Variants in SIN3B observed in about 807,000 individuals in gnomAD.
SIN3B encodes paired amphipathic helix protein Sin3b.
In SIN3B, 19 loss-of-function variants were observed where a neutral mutation model predicts 120.2. The observed-to-expected ratio is 0.16, with a 90% confidence interval of 0.11 to 0.23. The LOEUF is 0.23. Among genes scored for constraint, SIN3B ranks in the 10% least tolerant of loss-of-function variants. The pLI is 1.00. For missense variants in SIN3B, 1,073 were observed against 1,573.0 expected (o/e 0.68, Z 5.38); for synonymous variants, 654 against 653.2 (o/e 1.00, Z -0.02).
chr19:16,835,870 G>A (rs964265912), intron 3 of SIN3B, among the ~76,000 whole-genome samples: 5 of 152,128 alleles, frequency 3.3e-5, no homozygotes, highest in African/African-American at 1.2e-4. Context: ...GTCCAGGCTG[G>A]ACTCAAGTGA....
intron 16 of SIN3B, chr19:16,877,272 C>G (rs113495758): frequency 4.2e-6 from 2 of 472,470 alleles, no homozygotes; most frequent in Admixed American, 7.3e-5. Context: ...GGCTCTGGGG[C>G]GGATCCTTCC....
intron 3 of SIN3B, among the ~76,000 whole-genome samples, chr19:16,841,235 C>T (rs1971413119): frequency 1.3e-5 from 2 of 152,110 alleles, no homozygotes; most frequent in South Asian, 4.2e-4. Context: ...CACCTTATTG[C>T]GATTGGCCTG....
At chr19:16,856,203 T>G (rs1387079827) in intron 8 of SIN3B, among the ~76,000 whole-genome samples, 1 of 152,162 alleles carries the variant, frequency 6.6e-6, no homozygotes, top group Non-Finnish European at 1.5e-5. Context: ...TGGAAACAAC[T>G]GCGCACACTC....
intron 4 of SIN3B, among the ~76,000 whole-genome samples, chr19:16,846,696 A>G (rs889667070): frequency 4.6e-5 from 7 of 151,148 alleles, no homozygotes; most frequent in Non-Finnish European, 8.8e-5. Flanking sequence ...TCCCCGGCCC[A>G]CCCCTGATTA....
chr19:16,878,436 C>T, intron 18 of SIN3B, 46 bp downstream of exon 18: 1 of 1,587,096 alleles, frequency 6.3e-7, no homozygotes, highest in Non-Finnish European at 8.6e-7. Context: ...CTCCTCACCC[C>T]AAGTCCTGGG....
At chr19:16,843,406 C>T (rs550280298) in intron 4 of SIN3B, among the ~76,000 whole-genome samples, 10 of 152,324 alleles carry the variant, frequency 6.6e-5, no homozygotes, top group South Asian at 2.1e-4. Context: ...TGTTGTCCAC[C>T]GTGCTGGCAT....
At chr19:16,865,389 G>A (rs186115733) in intron 10 of SIN3B, 21 bp from the exon 11 acceptor site, 267 of 1,521,546 alleles carry the variant, frequency 1.8e-4, no homozygotes, top group Admixed American at 1.2e-3. Context: ...GGCTGACCCC[G>A]TCCTGCCTTC....
chr19:16,840,032 A>G (rs1457049358), intron 3 of SIN3B, among the ~76,000 whole-genome samples: 2 of 152,124 alleles, frequency 1.3e-5, no homozygotes, highest in Non-Finnish European at 2.9e-5. Context: ...CCCGCCACCA[A>G]GGAGAAATTG....
In SIN3B at chr19:16,865,578, G is replaced by A. The variant is rs1659991995; in HGVS notation, c.1552G>A (p.Asp518Asn). The change falls in exon 11 of 19, where the codon GAC becomes AAC. Residue 518 changes from aspartate to asparagine, a missense_variant. Physicochemically the swap from Asp to Asn is conservative, Grantham distance 23 (BLOSUM62 1). Transcript: ENST00000248054. ...QRRAIYRIYGDKAPEIIESLK... is the reference protein window; with the variant it reads ...QRRAIYRIYGNKAPEIIESLK... ...CCGTGCCATTTATCGCATCTATGGC[G>A]ACAAGGCCCCGGAGATCATCGAGAG... 2 of 1,613,310 alleles carry A rather than the reference G, an allele frequency of 1.2e-6. No individual in the cohort carries two copies. The highest frequency in any genetic ancestry group is 1.7e-6 in the Non-Finnish European group (2 of 1,179,592).
At chr19:16,857,857 T>TTTCTC (rs1250780121) in intron 8 of SIN3B, among the ~76,000 whole-genome samples, 1 of 151,894 alleles carries the variant, frequency 6.6e-6, no homozygotes, top group Non-Finnish European at 1.5e-5. Context: ...CTTTGCTTCT[T>TTTCTC]TTCTCTTCTC....
At chr19:16,838,578 G>A (rs573737738) in intron 3 of SIN3B, among the ~76,000 whole-genome samples, 23 of 152,282 alleles carry the variant, frequency 1.5e-4, no homozygotes, top group African/African-American at 5.3e-4. Flanking sequence ...CCACTCTTCT[G>A]TTGATGGATG....
intron 4 of SIN3B, among the ~76,000 whole-genome samples, chr19:16,844,923 C>T (rs34634052): frequency 0.037 from 5,644 of 152,138 alleles, 141 homozygotes; most frequent in Non-Finnish European, 0.055. Flanking sequence ...CACAGGGGAA[C>T]GCTGAGAGAG....
intron 14 of SIN3B, among the ~76,000 whole-genome samples, chr19:16,874,151 A>G (rs2051550060): frequency 6.6e-6 from 1 of 152,232 alleles, no homozygotes; most frequent in Non-Finnish European, 1.5e-5. Context: ...TTTACAGCCA[A>G]GCATTTAGGG....
intron 14 of SIN3B, among the ~76,000 whole-genome samples, chr19:16,874,835 G>A (rs1480874735): frequency 6.6e-6 from 1 of 151,494 alleles, no homozygotes; most frequent in Non-Finnish European, 1.5e-5. Context: ...GGTCTGGTCT[G>A]ATTTGATTTG....
intron 8 of SIN3B, among the ~76,000 whole-genome samples, chr19:16,860,336 G>A (rs1178490459): frequency 2.6e-5 from 4 of 152,200 alleles, no homozygotes; most frequent in Non-Finnish European, 4.4e-5. Context: ...GGATCGGGTT[G>A]AGCATTCCCT....
intron 3 of SIN3B, 25 bp from the exon 4 acceptor site, chr19:16,841,743 C>G (rs767997485): frequency 1.2e-6 from 2 of 1,606,180 alleles, no homozygotes; most frequent in Non-Finnish European, 1.7e-6. Context: ...TCGGGCCTGG[C>G]AGTAACTCAT....
At chr19:16,858,200 T>C (rs1971641942) in intron 8 of SIN3B, among the ~76,000 whole-genome samples, 1 of 152,078 alleles carries the variant, frequency 6.6e-6, no homozygotes, top group Non-Finnish European at 1.5e-5. Context: ...TTCTAATACA[T>C]CTCGTAAGTC....
intron 14 of SIN3B, 34 bp downstream of exon 14, chr19:16,871,432 A>T: frequency 6.4e-7 from 1 of 1,563,846 alleles, no homozygotes; most frequent in Non-Finnish European, 8.7e-7. Flanking sequence ...GGCCCTGAGG[A>T]CGGCGGAAAT....
At chr19:16,851,611 G>T in intron 6 of SIN3B, 77 bp downstream of exon 6, 1 of 1,487,130 alleles carries the variant, frequency 6.7e-7, no homozygotes, top group Non-Finnish European at 8.9e-7. Flanking sequence ...TGTGACCAGG[G>T]AACAGAGGCC....
Sources: allele counts gnomAD v4.1 joint callset (sites outside exome capture counted in the v4.1 genomes callset), GRCh38; gene constraint gnomAD v4.1.1; transcripts MANE v1.5; gene names NCBI Gene and HGNC (gene_info 2026-07-23, HGNC 2026-07-21).